The following SMARCC1 variants were observed in gnomAD, a reference collection of about 807,000 sequenced individuals.
The protein encoded by SMARCC1 is SWI/SNF related BAF chromatin remodeling complex subunit C1.
A neutral mutation model predicts 147.4 loss-of-function variants in SMARCC1; 43 were observed. The observed-to-expected ratio is 0.29, with a 90% confidence interval of 0.23 to 0.38. The LOEUF (loss-of-function observed/expected upper bound fraction) is 0.38. Ranked by LOEUF, SMARCC1 falls within the 10% of genes least tolerant of loss-of-function variation. The probability of loss-of-function intolerance (pLI) is 1.00; values close to 1 mark genes in which losing one functional copy is unlikely to be tolerated. For synonymous variants in SMARCC1, 495 were observed against 484.4 expected, an observed-to-expected ratio of 1.02 and a Z score of -0.29; for missense variants, 1,119 against 1,381.1, an observed-to-expected ratio of 0.81 and a Z score of 3.01.
intron 5 of SMARCC1, 54 bp from the exon 6 acceptor site, chr3:47,729,148 T>C: frequency 9.1e-7 from 1 of 1,092,950 alleles, no homozygotes; most frequent in Non-Finnish European, 1.4e-6. Context: ...CAATGAACTA[T>C]GAGATTCCAG....
chr3:47,733,500 A>C (rs954879353), intron 5 of SMARCC1, among the ~76,000 whole-genome samples: 5 of 152,284 alleles, frequency 3.3e-5, no homozygotes, highest in Admixed American at 3.3e-4. Flanking sequence ...TCATGACTGT[A>C]ATCTCAGCAC....
intron 18 of SMARCC1, among the ~76,000 whole-genome samples, chr3:47,673,291 G>T (rs1264016748): frequency 6.6e-6 from 1 of 151,182 alleles, no homozygotes; most frequent in African/African-American, 2.4e-5. Flanking sequence ...TTGGGAGGCT[G>T]AGGCAGGAGA....
intron 21 of SMARCC1, among the ~76,000 whole-genome samples, chr3:47,657,267 C>T (rs2033274777): frequency 6.6e-6 from 1 of 152,128 alleles, no homozygotes; most frequent in South Asian, 2.1e-4. Context: ...GAGCAGAAAA[C>T]ATATTTTTCT....
chr3:47,635,573 A>C (rs903867224), intron 23 of SMARCC1, among the ~76,000 whole-genome samples: 2 of 152,148 alleles, frequency 1.3e-5, no homozygotes, highest in Non-Finnish European at 2.9e-5. Context: ...GCTAAGTTCT[A>C]TGTGGAGGTC....
At chr3:47,743,808 G>C (rs2034536370) in intron 3 of SMARCC1, among the ~76,000 whole-genome samples, 1 of 142,620 alleles carries the variant, frequency 7.0e-6, no homozygotes, top group South Asian at 2.2e-4. Context: ...GCGAGACTAT[G>C]TCTCAAAAAA....
At chr3:47,664,524 A>T (rs1193637249) in intron 19 of SMARCC1, among the ~76,000 whole-genome samples, 2 of 152,214 alleles carry the variant, frequency 1.3e-5, no homozygotes, top group Non-Finnish European at 1.5e-5. Flanking sequence ...GAAAGAAACC[A>T]ACAAAAAGAG....
At chr3:47,590,880 G>A (rs368778374) in intron 26 of SMARCC1, 43 bp from the exon 27 acceptor site, 340 of 1,534,710 alleles carry the variant, frequency 2.2e-4, no homozygotes, top group Non-Finnish European at 2.8e-4. Flanking sequence ...ACTAGAAAGG[G>A]GTGTAAGAAA....
intron 25 of SMARCC1, among the ~76,000 whole-genome samples, chr3:47,621,578 C>T (rs1170980802): frequency 6.6e-6 from 1 of 152,090 alleles, no homozygotes; most frequent in Non-Finnish European, 1.5e-5. Context: ...CACATGTTCT[C>T]AGTTTTAAGT....
chr3:47,707,785 G>A (rs139795297), intron 9 of SMARCC1, among the ~76,000 whole-genome samples: 4 of 152,240 alleles, frequency 2.6e-5, no homozygotes, highest in African/African-American at 4.8e-5. Flanking sequence ...ATACTGAGCC[G>A]GGAGGATAGC....
Position 47,702,590 on chromosome 3 carries a change from T to C in SMARCC1, c.1041-1188A>G, listed in dbSNP as rs932820889. Among the ~76,000 whole-genome samples, 26 of 152,216 alleles carry C rather than the reference T, an allele frequency of 1.7e-4. 1 individual carries two copies. Among genetic ancestry groups the C allele is most frequent in the African/African-American group, 5.3e-4 (22 of 41,540 alleles). On this transcript the variant is annotated intron_variant, in intron 10 of 27. Transcript: ENST00000254480. ...CGGAAACAGGGCGAGACCCCATCTC[T>C]ACCAAAAAACAAAAAATTTAAATTT... is the stretch of plus-strand genomic sequence containing the variant.
intron 2 of SMARCC1, among the ~76,000 whole-genome samples, chr3:47,756,694 G>A (rs1340401409): frequency 6.6e-6 from 1 of 152,116 alleles, no homozygotes; most frequent in East Asian, 1.9e-4. Context: ...TTTTACTGAA[G>A]CAAATTCACA....
intron 8 of SMARCC1, among the ~76,000 whole-genome samples, chr3:47,712,439 T>G (rs987214966): frequency 6.6e-6 from 1 of 152,174 alleles, no homozygotes; most frequent in Non-Finnish European, 1.5e-5. Flanking sequence ...GAGCTGAATT[T>G]TCACACTGAT....
At chr3:47,729,278 T>C (rs1384999407) in intron 5 of SMARCC1, among the ~76,000 whole-genome samples, 184 bp from the exon 6 acceptor site, 6 of 152,234 alleles carry the variant, frequency 3.9e-5, no homozygotes, top group African/African-American at 1.4e-4. Flanking sequence ...CAAAAAATTG[T>C]CTACACAGTT....
rs1398295327 is a variant in SMARCC1, at chr3:47,592,055, TAAGA to T, written c.3044-1222_3044-1219del. ...AACACAGTACCAAGACAGCTAGAAA[TAAGA>T]AAGCTTGATCTTGAAAAATGTGGAG... On this transcript the variant is annotated intron_variant, in intron 26 of 27. Coordinates refer to ENST00000254480, the MANE Select transcript of SMARCC1 (RefSeq NM_003074.4). Among the ~76,000 whole-genome samples, 104 of 152,202 alleles carry T rather than the reference TAAGA, an allele frequency of 6.8e-4. 1 individual carries two copies. Among genetic ancestry groups the T allele is most frequent in the Non-Finnish European group, 7.3e-5 (5 of 68,038 alleles).
At chr3:47,598,862 G>C (rs3959923) in intron 26 of SMARCC1, among the ~76,000 whole-genome samples, 1,666 of 127,860 alleles carry the variant, frequency 0.013, 15 homozygotes, top group Non-Finnish European at 0.017. Flanking sequence ...GAGAGAGAGA[G>C]ACACACACAC....
chr3:47,769,976 A>C (rs1345397585), intron 2 of SMARCC1, among the ~76,000 whole-genome samples: 1 of 152,156 alleles, frequency 6.6e-6, no homozygotes, highest in East Asian at 1.9e-4. Context: ...CTATAATCCC[A>C]GCACTTTGGG....
At chr3:47,619,872 A>G (rs1187771258) in intron 25 of SMARCC1, among the ~76,000 whole-genome samples, 3 of 152,186 alleles carry the variant, frequency 2.0e-5, no homozygotes, top group African/African-American at 7.2e-5. Flanking sequence ...CAAAATGGAT[A>G]TGGGCTATGG....
At chr3:47,707,127 A>C (rs952188144) in intron 9 of SMARCC1, among the ~76,000 whole-genome samples, 45 of 152,178 alleles carry the variant, frequency 3.0e-4, no homozygotes, top group African/African-American at 1.1e-3. Context: ...CCTCTCCAAC[A>C]CAGGGAAAGC....
rs765703558 is a variant in SMARCC1, at chr3:47,684,440, AT to A, written c.1385+1608del. On this transcript the variant is annotated intron_variant, in intron 14 of 27. Transcript: ENST00000254480. ...AAAATAAAGCTATTATTGGGTAGTA[AT>A]TTTTTTTTTTTTTTGGGAGACAGAG... Among the ~76,000 whole-genome samples, 521 of 141,536 alleles carry A rather than the reference AT, an allele frequency of 3.7e-3. 1 individual carries two copies. The highest frequency in any genetic ancestry group is 4.0e-3 in the Admixed American group (56 of 14,032). 92.9% of individuals were successfully genotyped at this position (141,536 alleles called of 152,430 possible).
Sources: gnomAD v4.1 joint callset for allele counts (sites outside exome capture counted in the v4.1 genomes callset) on GRCh38, gnomAD v4.1.1 for gene constraint, MANE v1.5 for transcripts, NCBI Gene and HGNC (gene_info 2026-07-23, HGNC 2026-07-21) for gene names.